The following PCDH7 variants were observed in gnomAD, a reference collection of about 807,000 sequenced individuals.
The protein encoded by PCDH7 is protocadherin 7, also known as protocadherin-7.
A neutral mutation model predicts 58.9 loss-of-function variants in PCDH7; 17 were observed. The observed-to-expected ratio is 0.29, with a 90% CI of 0.20 to 0.43. The LOEUF is 0.43. Ranked by LOEUF, PCDH7 falls within the 20% of genes least tolerant of loss-of-function variation. The pLI is 1.00. For synonymous variants in PCDH7, 664 were observed against 616.4 expected (o/e 1.08, Z -1.14); for missense variants, 1,274 against 1,441.0 (o/e 0.88, Z 1.88).
chr4:30,804,453 C>T (rs775730974), intron 1 of PCDH7, among the ~76,000 whole-genome samples: 2 of 151,338 alleles, frequency 1.3e-5, no homozygotes, highest in Admixed American at 6.6e-5. Flanking sequence ...GCAGGGGAAT[C>T]GCTTGGACCT....
At chr4:31,053,030 G>A (rs1756882771) in intron 3 of PCDH7, among the ~76,000 whole-genome samples, 1 of 151,514 alleles carries the variant, frequency 6.6e-6, no homozygotes, top group Admixed American at 6.6e-5. Context: ...TTCTTTAATG[G>A]CTTTTTTTGA....
chr4:30,779,016 T>TTG (rs1442762634), intron 1 of PCDH7, among the ~76,000 whole-genome samples: 2 of 144,340 alleles, frequency 1.4e-5, no homozygotes, highest in East Asian at 2.0e-4. Flanking sequence ...TTTTTTTTTT[T>TTG]TTTTTTTTTT....
At position 30,722,299 on chromosome 4, in the gene PCDH7, A is replaced by G. The variant is rs773415982; in HGVS notation, c.877A>G (p.Ile293Val). The G allele has an allele frequency of 2.8e-5, 45 of 1,607,208 alleles. No individual in the cohort carries two copies. The highest frequency in any genetic ancestry group is 3.7e-5 in the Non-Finnish European group (43 of 1,177,912). Residue 293 changes from isoleucine (I) to valine (V), a missense_variant, in exon 1 of 2, where the codon ATC (isoleucine) becomes GTC (valine). By Grantham distance (29) the Ile-to-Val change is conservative. Coordinates refer to ENST00000361762, the Ensembl canonical transcript of PCDH7. This position sits in a 1 kb window ranked among gnomAD's most constrained non-coding sequence, Gnocchi z 7.6. ...CGACCCGCCTCGCTCCTCGCAGGCCATCCTACGGGTCCTCATCACCGACGT... is the reference window on the plus strand; with the variant it reads ...CGACCCGCCTCGCTCCTCGCAGGCCGTCCTACGGGTCCTCATCACCGACGT...
At chr4:30,908,020 G>A (rs564178683) in intron 1 of PCDH7, among the ~76,000 whole-genome samples, 19 of 152,224 alleles carry the variant, frequency 1.2e-4, no homozygotes, top group Non-Finnish European at 2.8e-4. Context: ...TTCACTGCAT[G>A]TTCTCACTTG....
rs182853759 is a variant in PCDH7 at position 31,084,917 on chromosome 4, G to A, written c.*8-57556G>A. Among the ~76,000 whole-genome samples the A allele has an allele frequency of 7.2e-5, 11 of 152,144 alleles. No individual in the cohort carries two copies. The South Asian group carries it at 1.2e-3, about 17-fold the overall frequency. On this transcript the variant is annotated intron_variant, in intron 3 of 3. Coordinates refer to the PCDH7 transcript ENST00000509759. ...AGCCGTTCATGAAGGATCTGCCCCC[G>A]TGGTCCAAACACCTTACACCAGGCC... is the stretch of plus-strand genomic sequence containing the variant.
chr4:30,815,991 A>G (rs1016948933), intron 1 of PCDH7, among the ~76,000 whole-genome samples: 1 of 152,214 alleles, frequency 6.6e-6, no homozygotes, highest in Non-Finnish European at 1.5e-5. Flanking sequence ...TTGAAACAAT[A>G]CAAGTGAACT....
chr4:31,072,631 G>T (rs1758648770), intron 3 of PCDH7, among the ~76,000 whole-genome samples: 2 of 152,070 alleles, frequency 1.3e-5, no homozygotes, highest in African/African-American at 4.8e-5. Context: ...CACCATGTAT[G>T]AAGATATGAA....
chr4:30,948,081 CT>C (rs140113483), intron 2 of PCDH7, among the ~76,000 whole-genome samples: 43,547 of 151,694 alleles, frequency 0.29, 7,055 homozygotes, highest in African/African-American at 0.45. Context: ...TTTTATATTG[CT>C]TATTACATCT....
At chr4:31,128,460 A>T (rs1315608242) in intron 3 of PCDH7, among the ~76,000 whole-genome samples, 1 of 152,120 alleles carries the variant, frequency 6.6e-6, no homozygotes, top group Non-Finnish European at 1.5e-5. Context: ...TCTGCTATTC[A>T]TCTCTTCTAT....
chr4:31,044,850 T>G (rs905016919), intron 3 of PCDH7, among the ~76,000 whole-genome samples: 9 of 152,068 alleles, frequency 5.9e-5, no homozygotes, highest in African/African-American at 2.2e-4. Context: ...ATAAAGTTAG[T>G]TACTTTTATG....
At chr4:31,102,560 TA>T (rs1560226391) in intron 3 of PCDH7, among the ~76,000 whole-genome samples, 1 of 150,966 alleles carries the variant, frequency 6.6e-6, no homozygotes, top group East Asian at 2.0e-4. Flanking sequence ...CTGTCTCTAC[TA>T]AAAATACAAA....
intron 3 of PCDH7, among the ~76,000 whole-genome samples, chr4:31,115,140 A>T (rs753717600): frequency 6.6e-6 from 1 of 152,230 alleles, no homozygotes; most frequent in African/African-American, 2.4e-5. Context: ...CATAGACAGT[A>T]TAATACAGTA....
At chr4:31,131,245 G>A (rs565386609) in intron 3 of PCDH7, among the ~76,000 whole-genome samples, 1 of 152,044 alleles carries the variant, frequency 6.6e-6, no homozygotes, top group Non-Finnish European at 1.5e-5. Context: ...AAAGTAATAG[G>A]CAGTAAATAA....
chr4:30,935,125 A>T (rs1183218298), intron 2 of PCDH7, among the ~76,000 whole-genome samples: 1 of 152,076 alleles, frequency 6.6e-6, no homozygotes, highest in African/African-American at 2.4e-5. Context: ...ATATTTAGTG[A>T]AGTATTTAGT....
chr4:31,100,064 C>T (rs1462765793), intron 3 of PCDH7, among the ~76,000 whole-genome samples: 1 of 151,992 alleles, frequency 6.6e-6, no homozygotes, highest in African/African-American at 2.4e-5. Context: ...TTTCACTTTG[C>T]CATGGATGTG....
intron 1 of PCDH7, among the ~76,000 whole-genome samples, chr4:30,784,506 G>A (rs1453653800): frequency 1.3e-5 from 2 of 152,092 alleles, no homozygotes; most frequent in Non-Finnish European, 2.9e-5. Context: ...ATAGCAATAT[G>A]ATTAATGTAA....
chr4:31,025,548 A>G (rs1413087789), intron 3 of PCDH7, among the ~76,000 whole-genome samples: 3 of 152,236 alleles, frequency 2.0e-5, no homozygotes, highest in Admixed American at 2.0e-4. Flanking sequence ...TTTGAAGTAG[A>G]TGATTTATTT....
chr4:30,724,632 G>C (rs1714349957), intron 1 of PCDH7, 36 bp downstream of exon 1: 1 of 1,601,530 alleles, frequency 6.2e-7, no homozygotes, highest in Admixed American at 1.7e-5. Flanking sequence ...AATATCCCAG[G>C]GAGGGCTAAT....
At chr4:30,786,259 G>A (rs923244727) in intron 1 of PCDH7, among the ~76,000 whole-genome samples, 3 of 152,022 alleles carry the variant, frequency 2.0e-5, no homozygotes, top group Non-Finnish European at 4.4e-5. Flanking sequence ...GAGCTACTTG[G>A]AAGGGTGTGA....
Sources: allele counts gnomAD v4.1 joint callset (sites outside exome capture counted in the v4.1 genomes callset), GRCh38; gene constraint gnomAD v4.1.1; non-coding constraint Gnocchi (gnomAD v3.1); transcripts MANE v1.5; gene names NCBI Gene and HGNC (gene_info 2026-07-23, HGNC 2026-07-21).